The following EAF2 variants were observed in gnomAD, a reference collection of about 807,000 sequenced individuals.
The protein encoded by EAF2 is ELL associated factor 2.
EAF2 carries 29 observed loss-of-function variants against 29.4 expected under a neutral mutation model. That is an observed-to-expected ratio of 0.99 (90% CI 0.73 to 1.35). The LOEUF (loss-of-function observed/expected upper bound fraction) is 1.35, where lower values mean the gene tolerates loss of function less well. Among genes scored for constraint, EAF2 ranks in the 40% most tolerant of loss-of-function variants. The pLI is 0.00. For missense variants in EAF2, 292 were observed against 312.0 expected, an observed-to-expected ratio of 0.94 and a Z score of 0.48; for synonymous variants, 103 against 102.5, an observed-to-expected ratio of 1.00 and a Z score of -0.03.
intron 1 of EAF2, among the ~76,000 whole-genome samples, chr3:121,837,015 A>G (rs551115407): frequency 2.6e-4 from 40 of 152,276 alleles, no homozygotes; most frequent in African/African-American, 9.6e-4. Context: ...CTTGAAAGTC[A>G]GAGGATCAGA....
At chr3:121,838,279 G>T (rs1438204018) in intron 1 of EAF2, among the ~76,000 whole-genome samples, 1 of 152,142 alleles carries the variant, frequency 6.6e-6, no homozygotes, top group South Asian at 2.1e-4. Flanking sequence ...AAATGGTAAA[G>T]TTGGTGGTAG....
chr3:121,835,364 C>T lies in EAF2; in HGVS notation c.79C>T (p.Pro27Ser). 1 of 1,614,010 alleles carries T rather than the reference C, an allele frequency of 6.2e-7. No individual in the cohort carries two copies. Among genetic ancestry groups the T allele is most frequent in the Non-Finnish European group, 8.5e-7 (1 of 1,179,926 alleles). Residue 27 changes from proline (P) to serine (S), a missense_variant, in exon 1 of 6, where the codon CCG becomes TCG. Transcript: ENST00000273668. Reference sequence around the variant, plus strand: ...GTTAGGGGAGAGTTTCGAGAAGCAGCCGCGCTGCGCCTTCCACACTGTGCG... The same window carrying T: ...GTTAGGGGAGAGTTTCGAGAAGCAGTCGCGCTGCGCCTTCCACACTGTGCG... ...LKLGESFEKQ[P>S]RCAFHTVRYD... is the part of the protein sequence containing the mutation.
At chr3:121,875,014 T>C (rs1709072140) in intron 5 of EAF2, among the ~76,000 whole-genome samples, 1 of 151,918 alleles carries the variant, frequency 6.6e-6, no homozygotes, top group Non-Finnish European at 1.5e-5. Context: ...GGGAAAGGTA[T>C]AATAATATAA....
intron 1 of EAF2, among the ~76,000 whole-genome samples, chr3:121,838,516 A>C (rs1708346261): frequency 6.6e-6 from 1 of 152,216 alleles, no homozygotes; most frequent in African/African-American, 2.4e-5. Context: ...TGGGTAATAA[A>C]GAGTAGAGTT....
chr3:121,848,885 C>A (rs34359537), intron 2 of EAF2, among the ~76,000 whole-genome samples: 1 of 149,286 alleles, frequency 6.7e-6, no homozygotes, highest in Non-Finnish European at 1.5e-5. Context: ...AAAGCCCCCC[C>A]CCACACAAAA....
At chr3:121,860,746 C>A (rs1367686162) in intron 4 of EAF2, among the ~76,000 whole-genome samples, 2 of 152,074 alleles carry the variant, frequency 1.3e-5, no homozygotes, top group African/African-American at 4.8e-5. Context: ...TTCTTTAGTT[C>A]TTTGACTGGT....
chr3:121,854,883 A>G (rs1014041767), intron 3 of EAF2, 60 bp downstream of exon 3: 2 of 1,397,672 alleles, frequency 1.4e-6, no homozygotes, highest in Non-Finnish European at 9.5e-7. Flanking sequence ...AAATGTCAAT[A>G]AAAAATTTAT....
At position 121,872,758 on chromosome 3, in the gene EAF2, G is replaced by A; in HGVS notation, c.706G>A (p.Asp236Asn). ...AGATGCCAGTCATAATAGATTTCGA[G>A]ACAACAGTGGCCTTCTGATGAATAC... is the stretch of plus-strand genomic sequence containing the variant. ...DIDASHNRFR[D>N]NSGLLMNTLR... The change falls in exon 5 of 6, where the codon GAC becomes AAC. Residue 236 changes from aspartate to asparagine, a missense_variant. Coordinates refer to ENST00000273668, the MANE Select transcript of EAF2 (RefSeq NM_018456.6). 1 of 1,611,988 alleles carries A rather than the reference G, an allele frequency of 6.2e-7. No individual in the cohort carries two copies. The highest frequency in any genetic ancestry group is 2.2e-5 in the East Asian group (1 of 44,774).
At chr3:121,836,160 A>G (rs1708274447) in intron 1 of EAF2, 2 of 152,356 alleles carry the variant, frequency 1.3e-5, no homozygotes, top group East Asian at 3.9e-4. Flanking sequence ...TGTGTAAGAC[A>G]TTCGTTTTTT....
intron 2 of EAF2, among the ~76,000 whole-genome samples, chr3:121,847,796 A>T (rs1028286413): frequency 6.6e-6 from 1 of 152,104 alleles, no homozygotes; most frequent in African/African-American, 2.4e-5. Context: ...AGATGTAGTA[A>T]ATCAGTCCCT....
Position 121,860,764 on chromosome 3 carries a change from C to A in EAF2, c.484+3608C>A, listed in dbSNP as rs186810265. ...TTTAGTTCTTTGACTGGTGATGTTA[C>A]GGTGTCGATTTTAGATCTTTCCTGC... On this transcript the variant is annotated intron_variant, in intron 4 of 5. Coordinates refer to ENST00000273668, the MANE Select transcript of EAF2 (RefSeq NM_018456.6). Among the ~76,000 whole-genome samples, 79 of 152,094 alleles carry A rather than the reference C, an allele frequency of 5.2e-4. No individual in the cohort carries two copies. In the East Asian group the frequency reaches 8.1e-3, roughly 16 times the overall value.
intron 1 of EAF2, chr3:121,836,921 A>G (rs1334065941): frequency 2.4e-6 from 1 of 425,386 alleles, no homozygotes; most frequent in African/African-American, 2.2e-5. Context: ...ATCCCAATTT[A>G]AATGAATAAA....
At chr3:121,857,665 T>G (rs1559822784) in intron 4 of EAF2, among the ~76,000 whole-genome samples, 6 of 152,138 alleles carry the variant, frequency 3.9e-5, no homozygotes, top group Admixed American at 3.9e-4. Flanking sequence ...ATAAGAGAAT[T>G]TGTATCATTT....
intron 5 of EAF2, among the ~76,000 whole-genome samples, chr3:121,875,896 A>G (rs950888407): frequency 6.6e-6 from 1 of 151,952 alleles, no homozygotes; most frequent in Non-Finnish European, 1.5e-5. Context: ...ACTATCCCAG[A>G]ACACAATACA....
Position 121,858,037 on chromosome 3 carries a change from T to TA in EAF2, c.484+882dup, listed in dbSNP as rs1424395992. On this transcript the variant is annotated intron_variant, in intron 4 of 5. Coordinates refer to ENST00000273668, the MANE Select transcript of EAF2 (RefSeq NM_018456.6). ...TGGCTGCATAGTATTCCATGGTGTA[T>TA]ATGTGCCACATTTTCTTAATCCAGT... is the stretch of plus-strand genomic sequence containing the variant. 3.9e-5 allele frequency among the ~76,000 whole-genome samples: 6 copies of TA among 152,198 alleles called. No individual in the cohort carries two copies. The East Asian group carries it at 1.2e-3, about 29-fold the overall frequency.
chr3:121,850,282 T>C (rs1708607898), intron 2 of EAF2, among the ~76,000 whole-genome samples: 1 of 151,934 alleles, frequency 6.6e-6, no homozygotes, highest in South Asian at 2.1e-4. Flanking sequence ...TCTTCTTTTA[T>C]ATTCTTTATT....
At chr3:121,838,145 T>C (rs1216180828) in intron 1 of EAF2, among the ~76,000 whole-genome samples, 1 of 152,152 alleles carries the variant, frequency 6.6e-6, no homozygotes, top group African/African-American at 2.4e-5. Context: ...GCGATAAACA[T>C]TGGCAGAAAA....
chr3:121,863,171 C>T lies in EAF2; in HGVS notation c.484+6015C>T, dbSNP rs143492173. ...GACCCACTTGAGGAGGAAGTCTGTC[C>T]GTTCTCAGATCTCAAAGTCTGTGCT... is the stretch of plus-strand genomic sequence containing the variant. On this transcript the variant is annotated intron_variant, in intron 4 of 5. Transcript: ENST00000273668. 3.7e-3 allele frequency among the ~76,000 whole-genome samples: 569 copies of T among 152,304 alleles called. 1 individual carries two copies. Among genetic ancestry groups the T allele is most frequent in the African/African-American group, 0.013 (557 of 41,572 alleles).
At chr3:121,861,123 G>T (rs1708822100) in intron 4 of EAF2, among the ~76,000 whole-genome samples, 2 of 152,198 alleles carry the variant, frequency 1.3e-5, no homozygotes, top group African/African-American at 4.8e-5. Context: ...GTGTGATGTG[G>T]TTCTGAGAAG....
Sources: gnomAD v4.1 joint callset for allele counts (sites outside exome capture counted in the v4.1 genomes callset) on GRCh38, gnomAD v4.1.1 for gene constraint, MANE v1.5 for transcripts, NCBI Gene and HGNC (gene_info 2026-07-23, HGNC 2026-07-21) for gene names.